Variants in MARCHF7 observed in about 807,000 individuals in gnomAD.
MARCHF7 encodes the protein membrane associated ring-CH-type finger 7.
Under a neutral mutation model 76.5 loss-of-function variants are expected in MARCHF7, and 20 were observed. The ratio of observed to expected loss-of-function variants is 0.26; its 90% confidence interval spans 0.18 to 0.38. The LOEUF is 0.38. Among genes scored for constraint, MARCHF7 ranks in the 10% least tolerant of loss-of-function variants. The pLI is 1.00. For missense variants in MARCHF7, 797 were observed against 812.9 expected (o/e 0.98, Z 0.24); for synonymous variants, 295 against 293.0 (o/e 1.01, Z -0.07).
Position 159,770,982 on chromosome 2 carries a change from T to C in MARCHF7, c.*3640T>C, listed in dbSNP as rs539033453. On this transcript the variant is annotated 3_prime_UTR_variant, in exon 12 of 12. Coordinates refer to ENST00000409175, the MANE Select transcript of MARCHF7 (RefSeq NM_001282805.2). ...TACTCCCCAAATGATTTTCACCTTT[T>C]TCTTAAAATGTACAATAAATGCACT... 1.2e-4 allele frequency: 19 copies of C among 152,330 alleles called. No homozygotes were observed. Among genetic ancestry groups the C allele is most frequent in the African/African-American group, 4.3e-4 (18 of 41,584 alleles). The allele number at this position is 152,330 out of a possible 1,614,324, so 9.4% of individuals were successfully genotyped here. A position where few individuals can be genotyped will look rare whatever the true frequency, so the allele number is the denominator to read the frequency against.
chr2:159,737,805 A>G (rs1272668212), intron 4 of MARCHF7, among the ~76,000 whole-genome samples: 2 of 152,114 alleles, frequency 1.3e-5, no homozygotes, highest in Non-Finnish European at 2.9e-5. Flanking sequence ...AAAAAAAAAG[A>G]TGGACAATCA....
intron 3 of MARCHF7, among the ~76,000 whole-genome samples, chr2:159,726,065 G>A (rs531762219): frequency 3.9e-5 from 6 of 152,158 alleles, no homozygotes; most frequent in Admixed American, 2.0e-4. Context: ...AAACTCCTGC[G>A]GAGATTATTG....
At chr2:159,739,837 A>C (rs1703920059) in intron 4 of MARCHF7, among the ~76,000 whole-genome samples, 1 of 152,202 alleles carries the variant, frequency 6.6e-6, no homozygotes, top group Non-Finnish European at 1.5e-5. Context: ...GATATTAACA[A>C]ACATTTTTTG....
chr2:159,719,397 C>CG (rs1041504095), intron 3 of MARCHF7, among the ~76,000 whole-genome samples: 17 of 151,990 alleles, frequency 1.1e-4, no homozygotes, highest in Admixed American at 1.3e-4. Context: ...ACCACCACCC[C>CG]GCCCACTCCC....
rs1707495853 is a variant in MARCHF7 at position 159,764,279 on chromosome 2, TTATTTGGGTCCAAA to T, written c.2008-344_2008-331del. On this transcript the variant is annotated intron_variant, in intron 10 of 11. Coordinates refer to ENST00000409175, the MANE Select transcript of MARCHF7 (RefSeq NM_001282805.2). ...GTGCGCGCGCCCACTGAAACTGAAT[TTATTTGGGTCCAAA>T]TACAAGGGTGGTTTTTTGTTTTTTG... 2.7e-5 allele frequency among the ~76,000 whole-genome samples: 4 copies of T among 148,122 alleles called. No individual in the cohort carries two copies. In the South Asian group the frequency reaches 8.6e-4, roughly 32 times the overall value.
chr2:159,716,589 G>T (rs1701065619), intron 3 of MARCHF7, among the ~76,000 whole-genome samples: 2 of 152,066 alleles, frequency 1.3e-5, no homozygotes, highest in Non-Finnish European at 2.9e-5. Flanking sequence ...GGTCGAGGCT[G>T]CAGTGATTGC....
At chr2:159,749,463 T>C (rs1355647710) in intron 7 of MARCHF7, among the ~76,000 whole-genome samples, 1 of 152,100 alleles carries the variant, frequency 6.6e-6, no homozygotes, top group East Asian at 1.9e-4. Flanking sequence ...TTCTCCTGCC[T>C]CAGCCTCCCA....
rs542910601 is a variant in MARCHF7, at chr2:159,754,664, G to C, written c.1783+2093G>C. Among the ~76,000 whole-genome samples, 16 of 152,246 alleles carry C rather than the reference G, an allele frequency of 1.1e-4. No individual in the cohort carries two copies. The South Asian group carries it at 2.3e-3, about 22-fold the overall frequency. On this transcript the variant is annotated intron_variant, in intron 8 of 11. Coordinates refer to ENST00000409175, the MANE Select transcript of MARCHF7 (RefSeq NM_001282805.2). Reference sequence around the variant, plus strand: ...TAACAGAAAAAAAAGTACGAAAAGAGGAGAAAGAAGATGGGGTCCAGAGCA... The same window carrying C: ...TAACAGAAAAAAAAGTACGAAAAGACGAGAAAGAAGATGGGGTCCAGAGCA...
intron 4 of MARCHF7, chr2:159,733,757 T>C (rs1180071246): frequency 1.0e-6 from 1 of 985,304 alleles, no homozygotes; most frequent in African/African-American, 1.7e-5. Flanking sequence ...TTTTTACTTC[T>C]GTTTTTAGTT....
chr2:159,766,273 A>G (rs2125763289), intron 11 of MARCHF7, among the ~76,000 whole-genome samples: 1 of 152,286 alleles, frequency 6.6e-6, no homozygotes, highest in South Asian at 2.1e-4. Flanking sequence ...TCTCAGTGAT[A>G]GAGCATAAAA....
chr2:159,737,159 A>G (rs940057583), intron 4 of MARCHF7, among the ~76,000 whole-genome samples: 1 of 152,202 alleles, frequency 6.6e-6, no homozygotes, highest in Non-Finnish European at 1.5e-5. Flanking sequence ...GAGGCAGGAA[A>G]TGCAAAAAAA....
rs200702262 is a variant in MARCHF7, at chr2:159,713,919, G to GT, written c.-142-631dup. On this transcript the variant is annotated intron_variant, in intron 1 of 11. Coordinates refer to ENST00000409175, the MANE Select transcript of MARCHF7 (RefSeq NM_001282805.2). ...ACTAGGGGACATAATACTAGTCTTGGTTTTTTTCCAAGTTTAGTGCTGGGT... is the reference window on the plus strand; with the variant it reads ...ACTAGGGGACATAATACTAGTCTTGGTTTTTTTTCCAAGTTTAGTGCTGGGT... Among the ~76,000 whole-genome samples the GT allele has an allele frequency of 1.9e-3, 287 of 152,272 alleles. 1 individual carries two copies. In the East Asian group the frequency reaches 0.044, roughly 23 times the overall value.
In MARCHF7 at chr2:159,748,165, C is replaced by G; in HGVS notation, c.875C>G (p.Ser292Cys). ...TCACGCATAGCTTCTAGCATGTCAT[C>G]TACTTTTTTTTCACGAAGATCTAGT... ...LLSRIASSMS[S>C]TFFSRRSSQD... Residue 292 changes from serine to cysteine, a missense_variant, in exon 7 of 12, where the codon TCT (serine) becomes TGT (cysteine). Physicochemically the swap from Ser to Cys is moderately radical, Grantham distance 112. Transcript: ENST00000409175. 1 of 1,612,952 alleles carries G rather than the reference C, an allele frequency of 6.2e-7. No individual in the cohort carries two copies. The highest frequency in any genetic ancestry group is 8.5e-7 in the Non-Finnish European group (1 of 1,179,646).
rs568354164 is a variant in MARCHF7, at chr2:159,748,688, G to A, written c.1398G>A (p.Ser466=). ...CAACAGGTGGCTCTACATCAGATTCGGCTCAAGGTGGAAGAAATACAGGAA... is the reference window on the plus strand; with the variant it reads ...CAACAGGTGGCTCTACATCAGATTCAGCTCAAGGTGGAAGAAATACAGGAA... ...SATTGGSTSD[S]AQGGRNTGIS... is the part of the protein sequence containing the mutation. The change falls in exon 7 of 12, where the codon TCG becomes TCA. Residue 466 remains serine (S), a synonymous_variant. Transcript: ENST00000409175. 1.1e-5 allele frequency: 17 copies of A among 1,614,100 alleles called. No individual in the cohort carries two copies. The highest frequency in any genetic ancestry group is 8.0e-5 in the African/African-American group (6 of 75,032).
chr2:159,761,129 G>A (rs1017784794), intron 9 of MARCHF7, among the ~76,000 whole-genome samples: 4 of 150,836 alleles, frequency 2.7e-5, no homozygotes, highest in Non-Finnish European at 5.9e-5. Flanking sequence ...GAGTTTAAGC[G>A]ATTCTCTTGC....
intron 3 of MARCHF7, among the ~76,000 whole-genome samples, chr2:159,716,008 G>A (rs7565297): frequency 0.34 from 52,026 of 151,822 alleles, 9,068 homozygotes; most frequent in South Asian, 0.44. Context: ...TTACAGTGGT[G>A]TAGTGTAGAC....
intron 4 of MARCHF7, chr2:159,733,219 T>C: frequency 1.1e-6 from 1 of 870,784 alleles, no homozygotes; most frequent in Non-Finnish European, 1.4e-6. Context: ...TTAAGATTAC[T>C]CAGTGTCAAA....
At chr2:159,758,880 C>G (rs1706655224) in intron 8 of MARCHF7, among the ~76,000 whole-genome samples, 1 of 152,148 alleles carries the variant, frequency 6.6e-6, no homozygotes, top group African/African-American at 2.4e-5. Flanking sequence ...TTCATGGCAT[C>G]ACGTCAAAGT....
At chr2:159,738,063 G>T (rs1362098138) in intron 4 of MARCHF7, among the ~76,000 whole-genome samples, 2 of 152,206 alleles carry the variant, frequency 1.3e-5, no homozygotes, top group Non-Finnish European at 2.9e-5. Flanking sequence ...ACATGGATCG[G>T]CAGGGGGTGC....
Sources: allele counts gnomAD v4.1 joint callset (sites outside exome capture counted in the v4.1 genomes callset), GRCh38; gene constraint gnomAD v4.1.1; transcripts MANE v1.5; gene names NCBI Gene and HGNC (gene_info 2026-07-23, HGNC 2026-07-21).